ZNF652: variants seen among roughly 807,000 people sequenced by gnomAD.
ZNF652 encodes the protein zinc finger protein 652.
ZNF652 carries 16 observed loss-of-function variants against 45.2 expected under a neutral mutation model. That is an observed-to-expected ratio of 0.35 (90% CI 0.24 to 0.54). The LOEUF (loss-of-function observed/expected upper bound fraction) is 0.54. Ranked by LOEUF, ZNF652 falls within the 20% of genes least tolerant of loss-of-function variation. The pLI is 0.91. For missense variants in ZNF652, 614 were observed against 765.6 expected, an observed-to-expected ratio of 0.80 and a Z score of 2.34; for synonymous variants, 250 against 260.6, an observed-to-expected ratio of 0.96 and a Z score of 0.39.
intron 1 of ZNF652, among the ~76,000 whole-genome samples, chr17:49,350,181 T>C (rs1355348445): frequency 6.6e-6 from 1 of 152,146 alleles, no homozygotes; most frequent in African/African-American, 2.4e-5. Context: ...GAGGAGTTTA[T>C]GAGTACAGAG....
chr17:49,350,970 C>CATATACATATATATATATATATATATAT (rs1272130291), intron 1 of ZNF652, among the ~76,000 whole-genome samples: 2 of 42,300 alleles, frequency 4.7e-5, no homozygotes, highest in African/African-American at 7.7e-5. Flanking sequence ...ACTCTGTCTA[C>CATATACATATATATATATATATATATAT]ATATATATAT....
At chr17:49,343,927 G>A (rs1236777896) in intron 1 of ZNF652, among the ~76,000 whole-genome samples, 4 of 152,106 alleles carry the variant, frequency 2.6e-5, no homozygotes, top group African/African-American at 7.2e-5. Context: ...GGCCAGGCGC[G>A]GTGGCTCAAG....
intron 1 of ZNF652, among the ~76,000 whole-genome samples, chr17:49,324,898 GC>G (rs2069940395): frequency 6.7e-6 from 1 of 150,212 alleles, no homozygotes; most frequent in South Asian, 2.1e-4. Context: ...GCACCACCAC[GC>G]CCGGCTAATT....
At chr17:49,352,051 G>A (rs993571767) in intron 1 of ZNF652, among the ~76,000 whole-genome samples, 4 of 152,104 alleles carry the variant, frequency 2.6e-5, no homozygotes, top group African/African-American at 4.8e-5. Flanking sequence ...AAGTTCACAG[G>A]TTGTCAATGT....
In ZNF652 at chr17:49,293,561, T is replaced by C. The variant is rs1334541412; in HGVS notation, c.*4852A>G. On this transcript the variant is annotated 3_prime_UTR_variant, in exon 6 of 6. Coordinates refer to ENST00000430262, the MANE Select transcript of ZNF652 (RefSeq NM_001145365.3). Reference sequence around the variant, plus strand: ...AGGGTTGGAAGGTCATCATTCTTTATTGTAAGTGCTACAGATGACAAAAGC... The same window carrying C: ...AGGGTTGGAAGGTCATCATTCTTTACTGTAAGTGCTACAGATGACAAAAGC... Among the ~76,000 whole-genome samples the C allele has an allele frequency of 1.3e-5, 2 of 151,748 alleles. No homozygotes were observed. The highest frequency in any genetic ancestry group is 2.9e-5 in the Non-Finnish European group (2 of 67,982).
At chr17:49,353,569 A>G (rs1439219981) in intron 1 of ZNF652, among the ~76,000 whole-genome samples, 1 of 152,122 alleles carries the variant, frequency 6.6e-6, no homozygotes, top group Non-Finnish European at 1.5e-5. Flanking sequence ...CCTCCTGGGA[A>G]AATACATTTT....
intron 2 of ZNF652, among the ~76,000 whole-genome samples, chr17:49,315,304 G>A (rs549833785): frequency 1.3e-5 from 2 of 152,136 alleles, no homozygotes; most frequent in African/African-American, 4.8e-5. Flanking sequence ...GCCTCCCAAA[G>A]TGCTAGGATT....
chr17:49,344,833 T>A (rs1381322699), intron 1 of ZNF652, among the ~76,000 whole-genome samples: 2 of 152,036 alleles, frequency 1.3e-5, no homozygotes, highest in East Asian at 3.9e-4. Context: ...CAAAGCAAAT[T>A]TTCTATCACT....
At chr17:49,336,630 C>CTTT (rs35620384) in intron 1 of ZNF652, among the ~76,000 whole-genome samples, 17 of 141,726 alleles carry the variant, frequency 1.2e-4, no homozygotes, top group African/African-American at 4.1e-4. Context: ...CGGCCTTTTA[C>CTTT]TTTTTTTTTT....
Position 49,317,150 on chromosome 17 carries a change from G to C in ZNF652, c.576C>G (p.Thr192=). 1 of 1,613,910 alleles carries C rather than the reference G, an allele frequency of 6.2e-7. No individual in the cohort carries two copies. Among genetic ancestry groups the C allele is most frequent in the Non-Finnish European group, 8.5e-7 (1 of 1,180,006 alleles). ...CTGCGGCAACAGAGGCAGCTCTCCT[G>C]GTTCTCCTTTGTGTAACGCTGACTT... is the stretch of plus-strand genomic sequence containing the variant. ...VEKVSVTQRR[T]RRAASVAAAT... The change falls in exon 2 of 6, where the codon ACC becomes ACG. Residue 192 remains threonine, a synonymous_variant. Transcript: ENST00000430262.
rs886306339 is a variant in ZNF652, at chr17:49,298,086, G to A, written c.*327C>T. ...TATCCCCTCTTTGAGGAGAAGTCTG[G>A]GATATAAAAGCAAGCATACCTCATC... On this transcript the variant is annotated 3_prime_UTR_variant, in exon 6 of 6. Transcript: ENST00000430262. 2 of 303,036 alleles carry A rather than the reference G, an allele frequency of 6.6e-6. No homozygotes were observed. Among genetic ancestry groups the A allele is most frequent in the Admixed American group, 9.7e-5 (2 of 20,698 alleles). The allele number at this position is 303,036 out of a possible 1,614,324, so 18.8% of individuals were successfully genotyped here. A position where few individuals can be genotyped will look rare whatever the true frequency, so the allele number is the denominator to read the frequency against.
chr17:49,344,308 T>G (rs1364275979), intron 1 of ZNF652, among the ~76,000 whole-genome samples: 2 of 151,848 alleles, frequency 1.3e-5, no homozygotes, highest in Non-Finnish European at 2.9e-5. Flanking sequence ...AAAGTTGCAA[T>G]GAGCTGTGAT....
chr17:49,311,555 T>G (rs760411881), intron 4 of ZNF652, 99 bp from the exon 5 acceptor site: 1 of 1,305,998 alleles, frequency 7.7e-7, no homozygotes, highest in Non-Finnish European at 1.0e-6. Flanking sequence ...TTTTTCATAT[T>G]CAAAATAGAA....
At position 49,301,251 on chromosome 17, in the gene ZNF652, C is replaced by T. The variant is rs530684548; in HGVS notation, c.1310-2327G>A. 4.9e-4 allele frequency among the ~76,000 whole-genome samples: 74 copies of T among 152,300 alleles called. 1 individual carries two copies. The South Asian group carries it at 6.8e-3, about 14-fold the overall frequency. The stretch of plus-strand genomic sequence containing the variant: ...TGAGAGACTGAAGAGTCAATTTTCT[C>T]CATAACTATCAGTATTATTTGAAGA... On this transcript the variant is annotated intron_variant, in intron 5 of 5. Coordinates refer to ENST00000430262, the MANE Select transcript of ZNF652 (RefSeq NM_001145365.3).
chr17:49,333,117 G>A (rs2070042070), intron 1 of ZNF652, among the ~76,000 whole-genome samples: 2 of 151,590 alleles, frequency 1.3e-5, no homozygotes, highest in Admixed American at 1.3e-4. Flanking sequence ...GAGTGCAGTG[G>A]CGCGATCTCA....
intron 1 of ZNF652, among the ~76,000 whole-genome samples, chr17:49,338,481 A>G (rs952777896): frequency 1.3e-5 from 2 of 152,190 alleles, no homozygotes; most frequent in African/African-American, 4.8e-5. Flanking sequence ...TGATGTCACT[A>G]AACCACAGAT....
At chr17:49,310,078 T>C (rs887873385) in intron 5 of ZNF652, among the ~76,000 whole-genome samples, 2 of 152,120 alleles carry the variant, frequency 1.3e-5, no homozygotes, top group Non-Finnish European at 2.9e-5. Context: ...CTCAGCCTAC[T>C]GAGTAGCTGG....
chr17:49,344,673 A>G (rs528410726), intron 1 of ZNF652, among the ~76,000 whole-genome samples: 1 of 152,048 alleles, frequency 6.6e-6, no homozygotes, highest in African/African-American at 2.4e-5. Flanking sequence ...GGCGCACGCC[A>G]CCATGCCTGG....
chr17:49,288,145 TATAA>T (rs1325552695), downstream of ZNF652, among the ~76,000 whole-genome samples: 3 of 151,802 alleles, frequency 2.0e-5, no homozygotes, highest in African/African-American at 4.8e-5. Context: ...TATTCACTTA[TATAA>T]ATAAACTCAT....
Sources: allele counts gnomAD v4.1 joint callset (sites outside exome capture counted in the v4.1 genomes callset), GRCh38; gene constraint gnomAD v4.1.1; transcripts MANE v1.5; gene names NCBI Gene and HGNC (gene_info 2026-07-23, HGNC 2026-07-21).